Variants in IL12A observed in about 807,000 individuals in gnomAD.
IL12A encodes the protein interleukin 12A, also known as interleukin-12 subunit alpha.
In IL12A, 16 loss-of-function variants were observed where a neutral mutation model predicts 23.5. The ratio of observed to expected loss-of-function variants is 0.68; its 90% confidence interval spans 0.46 to 1.03. IL12A has a LOEUF of 1.03. Ranked by LOEUF, IL12A falls within the 50% of genes least tolerant of loss-of-function variation. IL12A has a pLI of 0.00. For synonymous variants in IL12A, 106 were observed against 111.5 expected (o/e 0.95, Z 0.31); for missense variants, 275 against 307.0 (o/e 0.90, Z 0.78).
intron 6 of IL12A, chr3:159,994,292 A>G (rs980977866): frequency 1.3e-5 from 2 of 156,112 alleles, no homozygotes; most frequent in African/African-American, 4.8e-5. Flanking sequence ...CAGTTTGCAT[A>G]TCTGCAAATA....
Position 159,993,794 on chromosome 3 carries a change from C to A in IL12A, c.556C>A (p.Gln186Lys), listed in dbSNP as rs1720401944. 6.2e-7 allele frequency: 1 copy of A among 1,614,118 alleles called. No individual in the cohort carries two copies. Reference sequence around the variant, plus strand: ...AAAGCTTCTGATGGATCCTAAGAGGCAGATCTTTCTAGATCAAAACATGCT... The same window carrying A: ...AAAGCTTCTGATGGATCCTAAGAGGAAGATCTTTCTAGATCAAAACATGCT... Residue 186 changes from glutamine to lysine, a missense_variant, in exon 6 of 7, where the codon CAG (glutamine) becomes AAG (lysine). By Grantham distance (53) the Gln-to-Lys change is moderately conservative (BLOSUM62 1). Coordinates refer to ENST00000305579, the MANE Select transcript of IL12A (RefSeq NM_000882.4).
rs1419950873 is a variant in IL12A, at chr3:159,989,263, A to G, written c.118+89A>G. The G allele has an allele frequency of 4.0e-6, 4 of 999,864 alleles. No individual in the cohort carries two copies. In the African/African-American group the frequency reaches 4.8e-5, roughly 12 times the overall value. The allele number at this position is 999,864 out of a possible 1,614,324, so 61.9% of individuals were successfully genotyped here. A position where few individuals can be genotyped will look rare whatever the true frequency, so the allele number is the denominator to read the frequency against. ...AGTGGGTAGAAACTCAAGTCTGCCT[A>G]AGGAGAGACTGGAACAGCAGCAGCC... On this transcript the variant is annotated intron_variant, in intron 1 of 6. Transcript: ENST00000305579.
rs1328113958 is a variant in IL12A at position 159,989,119 on chromosome 3, T to C, written c.63T>C (p.His21=). The change falls in exon 1 of 7, where the codon CAT becomes CAC. Residue 21 remains histidine (H), a synonymous_variant. Transcript: ENST00000305579. ...CACCTGCCGCGGCCACAGGTCTGCA[T>C]CCAGCGGCTCGCCCTGTGTCCCTGC... 6.2e-7 allele frequency: 1 copy of C among 1,612,754 alleles called. No individual in the cohort carries two copies. The highest frequency in any genetic ancestry group is 1.3e-5 in the African/African-American group (1 of 74,906).
rs1720198067 is a variant in IL12A at position 159,988,956 on chromosome 3, T to A, written c.-101T>A. On this transcript the variant is annotated 5_prime_UTR_variant, in exon 1 of 7. Coordinates refer to ENST00000305579, the MANE Select transcript of IL12A (RefSeq NM_000882.4). ...CCCCGCGGGCCGGCCGCACCGCACG[T>A]GTCACCGAGAAGCTGATGTAGAGAG... is the stretch of plus-strand genomic sequence containing the variant. The A allele has an allele frequency of 1.0e-6, 1 of 1,002,314 alleles. No individual in the cohort carries two copies. The allele number at this position is 1,002,314 out of a possible 1,614,324, so 62.1% of individuals were successfully genotyped here.
intron 1 of IL12A, 135 bp from the exon 2 acceptor site, chr3:159,990,032 A>G (rs1720243613): frequency 1.2e-6 from 1 of 824,592 alleles, no homozygotes; most frequent in Non-Finnish European, 1.9e-6. Flanking sequence ...GTGTTGAAGG[A>G]AAAGTGTTGG....
Position 159,993,264 on chromosome 3 carries a change from G to A in IL12A, c.378+139G>A. On this transcript the variant is annotated intron_variant, in intron 3 of 6. Transcript: ENST00000305579. ...GTCCTACTTCAGAAGTTAGATTTGG[G>A]AGAAAAATTATTTTTAAAAAATGGT... The A allele has an allele frequency of 5.5e-6, 4 of 723,408 alleles. No individual in the cohort carries two copies. The South Asian group carries it at 7.7e-5, about 14-fold the overall frequency. The allele number at this position is 723,408 out of a possible 1,614,324, so 44.8% of individuals were successfully genotyped here. A position where few individuals can be genotyped will look rare whatever the true frequency, so the allele number is the denominator to read the frequency against.
chr3:159,992,915 C>T (rs1343218651), intron 2 of IL12A, 97 bp from the exon 3 acceptor site: 1 of 652,480 alleles, frequency 1.5e-6, no homozygotes, highest in African/African-American at 1.9e-5. Flanking sequence ...CAAGGGCAGC[C>T]AGCCGGAGCC....
In IL12A at chr3:159,989,162, T is replaced by C. The variant is rs1385478139; in HGVS notation, c.106T>C (p.Cys36Arg). The C allele has an allele frequency of 6.2e-7, 1 of 1,611,824 alleles. No homozygotes were observed. The highest frequency in any genetic ancestry group is 8.5e-7 in the Non-Finnish European group (1 of 1,179,508). The change falls in exon 1 of 7, where the codon TGT (cysteine) becomes CGT (arginine). Residue 36 changes from cysteine (C) to arginine (R), a missense_variant. Transcript: ENST00000305579. ...GTCCCTGCAGTGCCGGCTCAGCATG[T>C]GTCCAGCGCGCAGTGAGTACTCAGC...
chr3:159,991,810 T>C (rs546682717), intron 2 of IL12A, among the ~76,000 whole-genome samples: 3 of 152,310 alleles, frequency 2.0e-5, no homozygotes, highest in South Asian at 2.1e-4. Flanking sequence ...GCCCCTTCCA[T>C]TGTCCATACC....
chr3:159,993,916 A>G, intron 6 of IL12A, 72 bp downstream of exon 6: 3 of 1,508,726 alleles, frequency 2.0e-6, no homozygotes, highest in Non-Finnish European at 2.7e-6. Context: ...TTTGATAAAG[A>G]GATATAAAAA....
Position 159,989,090 on chromosome 3 carries a change from C to T in IL12A, c.34C>T (p.Pro12Ser), listed in dbSNP as rs1167473679. ...CCCTGGGTCAGCCTCCCAGCCACCG[C>T]CCTCACCTGCCGCGGCCACAGGTCT... The change falls in exon 1 of 7, where the codon CCC (proline) becomes TCC (serine). Residue 12 changes from proline to serine, a missense_variant. Pro to Ser is a moderately conservative substitution (Grantham distance 74). Transcript: ENST00000305579. 6.2e-7 allele frequency: 1 copy of T among 1,613,208 alleles called. No individual in the cohort carries two copies. The highest frequency in any genetic ancestry group is 1.1e-5 in the South Asian group (1 of 90,970).
At chr3:159,990,060 T>G in intron 1 of IL12A, 107 bp from the exon 2 acceptor site, 1 of 1,106,184 alleles carries the variant, frequency 9.0e-7, no homozygotes. Flanking sequence ...TTGAGGGAGG[T>G]GGGTGCCAAG....
At chr3:159,989,223 C>A in intron 1 of IL12A, 49 bp downstream of exon 1, 1 of 1,472,508 alleles carries the variant, frequency 6.8e-7, no homozygotes, top group African/African-American at 1.4e-5. Flanking sequence ...TGCGGAGGGG[C>A]GGCTGCTTGG....
rs945457343 is a variant in IL12A, at chr3:159,995,526, T to C, written c.729T>C (p.Ile243=). ...CTTTCAGAATTCGGGCAGTGACTAT[T>C]GATAGAGTGATGAGCTATCTGAATG... Residue 243 remains isoleucine, a synonymous_variant, in exon 7 of 7, where the codon ATT becomes ATC. Transcript: ENST00000305579. The C allele has an allele frequency of 6.2e-7, 1 of 1,608,986 alleles. No homozygotes were observed. Among genetic ancestry groups the C allele is most frequent in the Non-Finnish European group, 8.5e-7 (1 of 1,178,082 alleles).
In IL12A at chr3:159,990,327, T is replaced by G. The variant is rs1720257059; in HGVS notation, c.264+15T>G. 1 of 1,613,594 alleles carries G rather than the reference T, an allele frequency of 6.2e-7. No individual in the cohort carries two copies. The highest frequency in any genetic ancestry group is 1.3e-5 in the African/African-American group (1 of 74,916). Reference sequence around the variant, plus strand: ...TGCTCCAGAAGGTGAGCCTTTCCTGTCCTCTCCACTGTGGACCTGCACCCT... The same window carrying G: ...TGCTCCAGAAGGTGAGCCTTTCCTGGCCTCTCCACTGTGGACCTGCACCCT... On this transcript the variant is annotated intron_variant, in intron 2 of 6. Coordinates refer to ENST00000305579, the MANE Select transcript of IL12A (RefSeq NM_000882.4).
intron 2 of IL12A, 28 bp from the exon 3 acceptor site, chr3:159,992,984 A>T: frequency 7.3e-7 from 1 of 1,370,324 alleles, no homozygotes; most frequent in Non-Finnish European, 1.0e-6. Context: ...CAATGTTATA[A>T]ACTGAGTTTC....
chr3:159,992,955 G>A (rs1720368348), intron 2 of IL12A, 57 bp from the exon 3 acceptor site: 2 of 1,032,866 alleles, frequency 1.9e-6, no homozygotes, highest in Non-Finnish European at 3.0e-6. Context: ...CCAGCCTTGT[G>A]GGGTGCCAGG....
At chr3:159,992,434 G>A (rs529319583) in intron 2 of IL12A, among the ~76,000 whole-genome samples, 6 of 152,268 alleles carry the variant, frequency 3.9e-5, no homozygotes, top group Admixed American at 1.3e-4. Flanking sequence ...AAAAATGATC[G>A]TAATCTTCAA....
chr3:159,992,492 C>T (rs891568532), intron 2 of IL12A, among the ~76,000 whole-genome samples: 14 of 152,164 alleles, frequency 9.2e-5, no homozygotes, highest in Non-Finnish European at 1.6e-4. Context: ...TTTTACCCAA[C>T]GGTGCTTTCC....
Sources: gnomAD v4.1 joint callset for allele counts (sites outside exome capture counted in the v4.1 genomes callset) on GRCh38, gnomAD v4.1.1 for gene constraint, MANE v1.5 for transcripts, NCBI Gene and HGNC (gene_info 2026-07-23, HGNC 2026-07-21) for gene names.